Variants in HECTD4 observed in about 807,000 individuals in gnomAD.
HECTD4 encodes probable E3 ubiquitin-protein ligase HECTD4.
HECTD4 carries 114 observed loss-of-function variants against 471.5 expected under a neutral mutation model. The ratio of observed to expected loss-of-function variants is 0.24; its 90% confidence interval spans 0.21 to 0.28. The LOEUF (loss-of-function observed/expected upper bound fraction) is 0.28. Among genes scored for constraint, HECTD4 ranks in the 10% least tolerant of loss-of-function variants. The pLI is 1.00. For synonymous variants in HECTD4, 2,012 were observed against 2,256.0 expected (o/e 0.89, Z 3.07); for missense variants, 3,866 against 5,651.5 (o/e 0.68, Z 10.13).
intron 7 of HECTD4, chr12:112,302,405 C>T (rs142101633): frequency 1.8e-4 from 135 of 753,882 alleles, no homozygotes; most frequent in East Asian, 1.3e-3. Flanking sequence ...AACTGTTTGG[C>T]AGTTCAGGGC....
intron 7 of HECTD4, among the ~76,000 whole-genome samples, chr12:112,287,213 G>C (rs1486521357): frequency 6.6e-6 from 1 of 152,064 alleles, no homozygotes; most frequent in Non-Finnish European, 1.5e-5. Context: ...TTTCTCCCCA[G>C]CATTTATCAC....
intron 64 of HECTD4, 39 bp from the exon 65 acceptor site, chr12:112,176,741 C>T (rs1453630666): frequency 7.3e-7 from 1 of 1,365,624 alleles, no homozygotes; most frequent in East Asian, 2.3e-5. Flanking sequence ...AATGCACGTT[C>T]ACACCTCCTC....
chr12:112,311,664 A>G (rs1313402718), intron 4 of HECTD4, among the ~76,000 whole-genome samples: 5 of 151,676 alleles, frequency 3.3e-5, no homozygotes, highest in South Asian at 2.1e-4. Flanking sequence ...GAGAGAGAGA[A>G]AAAAAGAAAA....
At position 112,190,778 on chromosome 12, in the gene HECTD4, A is replaced by G; in HGVS notation, c.9472+8T>C. The G allele has an allele frequency of 6.4e-7, 1 of 1,567,556 alleles. No homozygotes were observed. Among genetic ancestry groups the G allele is most frequent in the Non-Finnish European group, 8.7e-7 (1 of 1,155,520 alleles). On this transcript the variant is annotated splice_region_variant and intron_variant, in intron 60 of 75. Transcript: ENST00000682272. ...CTAGATTCCGATCCCCAGGGAAGGCAGCCTCACCTAGCAGCTCCACCACCT... is the reference window on the plus strand; with the variant it reads ...CTAGATTCCGATCCCCAGGGAAGGCGGCCTCACCTAGCAGCTCCACCACCT...
chr12:112,310,107 T>C (rs1295168916), intron 4 of HECTD4, among the ~76,000 whole-genome samples: 2 of 152,172 alleles, frequency 1.3e-5, no homozygotes, highest in Non-Finnish European at 2.9e-5. Flanking sequence ...CTGAACCTCT[T>C]TGAACGTCAG....
At chr12:112,377,808 T>G (rs1055483128) in intron 1 of HECTD4, among the ~76,000 whole-genome samples, 2 of 152,010 alleles carry the variant, frequency 1.3e-5, no homozygotes, top group Non-Finnish European at 2.9e-5. Context: ...AGGTGGAGGT[T>G]GCAGTGAGCC....
intron 7 of HECTD4, among the ~76,000 whole-genome samples, chr12:112,304,837 G>C (rs2035241103): frequency 6.6e-6 from 1 of 152,202 alleles, no homozygotes; most frequent in South Asian, 2.1e-4. Flanking sequence ...AAGGTTACGA[G>C]ACTCCTGATG....
At position 112,162,981 on chromosome 12, in the gene HECTD4, G is replaced by T; in HGVS notation, c.13120+61C>A. On this transcript the variant is annotated intron_variant, in intron 75 of 75. Transcript: ENST00000682272. This position sits in a 1 kb window ranked among gnomAD's most constrained non-coding sequence, Gnocchi z 5.2. ...CTTCACATGGGGCCTGGCAGCCCCA[G>T]TTCCAAACAGAGAAAGGCTAGTGTG... The T allele has an allele frequency of 7.4e-7, 1 of 1,345,292 alleles. No individual in the cohort carries two copies. Among genetic ancestry groups the T allele is most frequent in the East Asian group, 2.3e-5 (1 of 43,346 alleles). 83.3% of individuals were successfully genotyped at this position (1,345,292 alleles called of 1,614,324 possible).
At position 112,167,917 on chromosome 12, in the gene HECTD4, C is replaced by T; in HGVS notation, c.12209G>A (p.Ser4070Asn). 1.9e-6 allele frequency: 3 copies of T among 1,613,112 alleles called. No individual in the cohort carries two copies. Among genetic ancestry groups the T allele is most frequent in the Non-Finnish European group, 1.7e-6 (2 of 1,179,508 alleles). The change falls in exon 71 of 76, where the codon AGC (serine) becomes AAC (asparagine). Residue 4070 changes from serine (S) to asparagine (N), a missense_variant and splice_region_variant. Physicochemically the swap from Ser to Asn is conservative, Grantham distance 46. Coordinates refer to ENST00000682272, the MANE Select transcript of HECTD4 (RefSeq NM_001388303.1). Reference sequence around the variant, plus strand: ...CCACAGGAAGTGGCGGAAAGAGCCGCCTGTAGGACAGACGAGACACATGGG... The same window carrying T: ...CCACAGGAAGTGGCGGAAAGAGCCGTCTGTAGGACAGACGAGACACATGGG... Reference protein sequence around the residue: ...RFTGEEVHGTSGSFRHFLWQV... With the variant: ...RFTGEEVHGTNGSFRHFLWQV...
intron 8 of HECTD4, among the ~76,000 whole-genome samples, chr12:112,282,353 A>C (rs182036703): frequency 1.3e-5 from 2 of 152,340 alleles, no homozygotes; most frequent in East Asian, 3.9e-4. Flanking sequence ...ACTGCACTCC[A>C]GCCTGGAAGA....
chr12:112,183,812 A>G (rs1450836375), intron 61 of HECTD4, among the ~76,000 whole-genome samples: 1 of 152,266 alleles, frequency 6.6e-6, no homozygotes, highest in African/African-American at 2.4e-5. Flanking sequence ...CACCTGGGAC[A>G]GAATGGCAGG....
At chr12:112,220,545 C>T (rs1354749944) in intron 44 of HECTD4, among the ~76,000 whole-genome samples, 2 of 152,104 alleles carry the variant, frequency 1.3e-5, no homozygotes, top group Non-Finnish European at 2.9e-5. Flanking sequence ...GCCTGTAATC[C>T]CAGCACTTTG....
intron 4 of HECTD4, among the ~76,000 whole-genome samples, chr12:112,312,519 G>C (rs370121714): frequency 3.9e-5 from 6 of 152,302 alleles, no homozygotes; most frequent in African/African-American, 1.4e-4. Context: ...ATGTAATACT[G>C]TAAAGCTCTG....
intron 72 of HECTD4, 67 bp from the exon 73 acceptor site, chr12:112,164,342 G>T: frequency 6.5e-7 from 1 of 1,529,748 alleles, no homozygotes; most frequent in Non-Finnish European, 8.9e-7. Context: ...ATCCCCAGGT[G>T]GCTGGGTAAA....
At chr12:112,332,936 A>G (rs1227891113) in intron 1 of HECTD4, among the ~76,000 whole-genome samples, 1 of 152,118 alleles carries the variant, frequency 6.6e-6, no homozygotes, top group Non-Finnish European at 1.5e-5. Context: ...TTTACATTTC[A>G]TATAAATGGA....
intron 39 of HECTD4, chr12:112,231,083 C>T (rs1030014771): frequency 8.3e-5 from 40 of 484,120 alleles, no homozygotes; most frequent in Non-Finnish European, 9.5e-5. Context: ...AAAGACACTG[C>T]ATTGCAACTA....
rs1233246865 is a variant in HECTD4, at chr12:112,162,385, C to T, written c.*2G>A. On this transcript the variant is annotated 3_prime_UTR_variant, in exon 76 of 76. Coordinates refer to ENST00000682272, the MANE Select transcript of HECTD4 (RefSeq NM_001388303.1). This position sits in a 1 kb window ranked among gnomAD's most constrained non-coding sequence, Gnocchi z 5.2. Reference sequence around the variant, plus strand: ...ACAGCCTAATTCTGGGGCTCCCTCCCATCAGCCACTGAGGGGGTCTTCACG... The same window carrying T: ...ACAGCCTAATTCTGGGGCTCCCTCCTATCAGCCACTGAGGGGGTCTTCACG... 2 of 1,613,874 alleles carry T rather than the reference C, an allele frequency of 1.2e-6. No individual in the cohort carries two copies. The highest frequency in any genetic ancestry group is 1.7e-6 in the Non-Finnish European group (2 of 1,179,896).
Position 112,309,566 on chromosome 12 carries a change from A to G in HECTD4, c.1020T>C (p.Thr340=), listed in dbSNP as rs1317678986. The change falls in exon 5 of 76, where the codon ACT becomes ACC. Residue 340 remains threonine (T), a synonymous_variant. Coordinates refer to ENST00000682272, the MANE Select transcript of HECTD4 (RefSeq NM_001388303.1). Reference sequence around the variant, plus strand: ...GGAAGTTCCATGCAACTGACCTGAGAGTACCATGTAATCCAGATCCCAATT... The same window carrying G: ...GGAAGTTCCATGCAACTGACCTGAGGGTACCATGTAATCCAGATCCCAATT... ...VSKLGSGLHG[T]LRGFVYCRNE... The G allele has an allele frequency of 7.1e-7, 1 of 1,412,260 alleles. No individual in the cohort carries two copies. Among genetic ancestry groups the G allele is most frequent in the Non-Finnish European group, 9.7e-7 (1 of 1,033,346 alleles). 87.5% of individuals were successfully genotyped at this position (1,412,260 alleles called of 1,614,324 possible).
intron 1 of HECTD4, among the ~76,000 whole-genome samples, chr12:112,366,395 C>T (rs2036559498): frequency 6.6e-6 from 1 of 151,686 alleles, no homozygotes; most frequent in Non-Finnish European, 1.5e-5. Flanking sequence ...TGGTGTGAGC[C>T]TATAGTCCCA....
Sources: gnomAD v4.1 joint callset for allele counts (sites outside exome capture counted in the v4.1 genomes callset) on GRCh38, gnomAD v4.1.1 for gene constraint, Gnocchi (gnomAD v3.1) non-coding constraint, MANE v1.5 for transcripts, NCBI Gene and HGNC (gene_info 2026-07-23, HGNC 2026-07-21) for gene names.